The following NKAIN1 variants were observed in gnomAD, a reference collection of about 807,000 sequenced individuals.
The protein encoded by NKAIN1 is sodium/potassium transporting ATPase interacting 1.
Under a neutral mutation model 31.6 loss-of-function variants are expected in NKAIN1, and 13 were observed. The observed-to-expected ratio is 0.41, with a 90% confidence interval of 0.27 to 0.65. The LOEUF is 0.65. Ranked by LOEUF, NKAIN1 falls within the 30% of genes least tolerant of loss-of-function variation. NKAIN1 has a pLI of 0.30. For synonymous variants in NKAIN1, 104 were observed against 109.0 expected (o/e 0.95, Z 0.28); for missense variants, 193 against 262.2 (o/e 0.74, Z 1.82).
At chr1:31,210,976 T>C (rs1270465613) in intron 1 of NKAIN1, among the ~76,000 whole-genome samples, 1 of 151,940 alleles carries the variant, frequency 6.6e-6, no homozygotes, top group Non-Finnish European at 1.5e-5. Context: ...ACAGAAACAC[T>C]CAACAAAATA....
rs548287235 is a variant in NKAIN1, at chr1:31,232,216, C to T, written c.54+7278G>A. Among the ~76,000 whole-genome samples, 19 of 149,302 alleles carry T rather than the reference C, an allele frequency of 1.3e-4. No homozygotes were observed. The East Asian group carries it at 3.0e-3, about 23-fold the overall frequency. ...AAGCAATTCTCCTGCCTCAGCCTCCCGAGTAGCTGGGATTACAGGCATGAG... is the reference window on the plus strand; with the variant it reads ...AAGCAATTCTCCTGCCTCAGCCTCCTGAGTAGCTGGGATTACAGGCATGAG... On this transcript the variant is annotated intron_variant, in intron 1 of 6. Transcript: ENST00000373736.
chr1:31,219,160 G>T (rs1014203291), intron 1 of NKAIN1, among the ~76,000 whole-genome samples: 1 of 152,248 alleles, frequency 6.6e-6, no homozygotes, highest in Non-Finnish European at 1.5e-5. Flanking sequence ...AGACTTAATG[G>T]TCTGGTAGGC....
chr1:31,208,349 C>CT (rs397715016), intron 1 of NKAIN1, among the ~76,000 whole-genome samples: 4 of 152,052 alleles, frequency 2.6e-5, no homozygotes, highest in Admixed American at 6.6e-5. Context: ...TTCCACCCCC[C>CT]GCTTATGGAA....
At chr1:31,187,437 C>T (rs1426202937) in intron 2 of NKAIN1, among the ~76,000 whole-genome samples, 1 of 152,044 alleles carries the variant, frequency 6.6e-6, no homozygotes, top group Non-Finnish European at 1.5e-5. Context: ...AGGCACTGAC[C>T]TCAAAGCCAC....
chr1:31,194,355 T>TTCTC (rs111306451), intron 1 of NKAIN1, among the ~76,000 whole-genome samples: 3 of 149,396 alleles, frequency 2.0e-5, no homozygotes, highest in Non-Finnish European at 4.4e-5. Context: ...TTCTTTTTCC[T>TTCTC]TTTTCTTTCC....
At chr1:31,202,044 C>A (rs1378393367) in intron 1 of NKAIN1, among the ~76,000 whole-genome samples, 1 of 152,210 alleles carries the variant, frequency 6.6e-6, no homozygotes, top group Non-Finnish European at 1.5e-5. Flanking sequence ...GCATCATTAG[C>A]CCTCAGAGAC....
intron 1 of NKAIN1, among the ~76,000 whole-genome samples, chr1:31,194,207 C>G (rs536715499): frequency 4.6e-5 from 7 of 152,202 alleles, no homozygotes; most frequent in Admixed American, 1.3e-4. Context: ...TGACTGTAAT[C>G]CCAGAGTGAC....
intron 1 of NKAIN1, among the ~76,000 whole-genome samples, chr1:31,222,627 T>C (rs1048839769): frequency 1.3e-5 from 2 of 152,166 alleles, no homozygotes; most frequent in Non-Finnish European, 2.9e-5. Context: ...AGGAGACGGA[T>C]GCAGAGGAGC....
At chr1:31,213,193 A>C (rs376466559) in intron 1 of NKAIN1, among the ~76,000 whole-genome samples, 3 of 151,976 alleles carry the variant, frequency 2.0e-5, no homozygotes, top group Non-Finnish European at 4.4e-5. Flanking sequence ...TCATACATCT[A>C]ATAAGTGTCC....
chr1:31,208,849 C>T (rs577068719), intron 1 of NKAIN1, among the ~76,000 whole-genome samples: 1 of 152,162 alleles, frequency 6.6e-6, no homozygotes, highest in Admixed American at 6.5e-5. Flanking sequence ...TCGGACTCTG[C>T]GAGTTGTGAT....
intron 1 of NKAIN1, among the ~76,000 whole-genome samples, chr1:31,196,160 C>T (rs1645324835): frequency 6.6e-6 from 1 of 151,820 alleles, no homozygotes; most frequent in African/African-American, 2.4e-5. Context: ...GGGTGGATCA[C>T]TTGAGGTCAA....
intron 1 of NKAIN1, among the ~76,000 whole-genome samples, chr1:31,225,311 C>T (rs1645594968): frequency 7.1e-6 from 1 of 140,772 alleles, no homozygotes; most frequent in Non-Finnish European, 1.5e-5. Context: ...CAGGCATAAG[C>T]CACCATGCCC....
At chr1:31,195,478 C>T (rs150647289) in intron 1 of NKAIN1, among the ~76,000 whole-genome samples, 22 of 152,136 alleles carry the variant, frequency 1.4e-4, no homozygotes, top group African/African-American at 5.1e-4. Context: ...GGCTGGCCCC[C>T]GCCACCTGCA....
At chr1:31,227,122 G>A (rs1242318766) in intron 1 of NKAIN1, among the ~76,000 whole-genome samples, 1 of 152,182 alleles carries the variant, frequency 6.6e-6, no homozygotes, top group Non-Finnish European at 1.5e-5. Flanking sequence ...ACTGTGCCCA[G>A]CCAAAGGAAA....
chr1:31,239,390 A>G lies in NKAIN1; in HGVS notation c.54+104T>C. 1 of 839,844 alleles carries G rather than the reference A, an allele frequency of 1.2e-6. No homozygotes were observed. The allele number at this position is 839,844 out of a possible 1,614,324, so 52.0% of individuals were successfully genotyped here. ...GACCACCCCCCGCCCGGGCACACGC[A>G]CCAGACACACACACAGAGACACACG... On this transcript the variant is annotated intron_variant, in intron 1 of 6. Transcript: ENST00000373736. The surrounding 1 kb of genome is among the most constrained non-coding windows in gnomAD (Gnocchi z 4.8).
chr1:31,198,973 C>A (rs1488801950), intron 1 of NKAIN1, among the ~76,000 whole-genome samples: 1 of 152,226 alleles, frequency 6.6e-6, no homozygotes, highest in East Asian at 1.9e-4. Flanking sequence ...AGGCTCAGGG[C>A]CATTGAACCC....
intron 1 of NKAIN1, among the ~76,000 whole-genome samples, chr1:31,223,095 G>GGCCA (rs1557661471): frequency 6.6e-6 from 1 of 152,074 alleles, no homozygotes; most frequent in African/African-American, 2.4e-5. Flanking sequence ...CTCCATAAAC[G>GGCCA]GCCAGGCGCG....
intron 1 of NKAIN1, among the ~76,000 whole-genome samples, chr1:31,204,023 G>T (rs1234440713): frequency 6.6e-6 from 1 of 152,204 alleles, no homozygotes; most frequent in African/African-American, 2.4e-5. Context: ...GTGTGCCTGA[G>T]ACCATGGGGT....
At chr1:31,217,750 C>T (rs1415324115) in intron 1 of NKAIN1, among the ~76,000 whole-genome samples, 1 of 152,214 alleles carries the variant, frequency 6.6e-6, no homozygotes, top group Admixed American at 6.5e-5. Context: ...GTGCCAGGCT[C>T]CCTGTCCTCT....
Sources: gnomAD v4.1 joint callset for allele counts (sites outside exome capture counted in the v4.1 genomes callset) on GRCh38, gnomAD v4.1.1 for gene constraint, Gnocchi (gnomAD v3.1) non-coding constraint, MANE v1.5 for transcripts, NCBI Gene and HGNC (gene_info 2026-07-23, HGNC 2026-07-21) for gene names.